Variants in TBC1D31 observed in about 807,000 individuals in gnomAD.
The protein encoded by TBC1D31 is WD repeat domain 67.
In TBC1D31, 99 loss-of-function variants were observed where a neutral mutation model predicts 132.9. The observed-to-expected ratio is 0.74, with a 90% CI of 0.63 to 0.88. TBC1D31 has a LOEUF of 0.88. Ranked by LOEUF, TBC1D31 falls within the 40% of genes least tolerant of loss-of-function variation. The pLI, the probability that TBC1D31 is intolerant of heterozygous loss-of-function variation, is 0.00. For missense variants in TBC1D31, 1,134 were observed against 1,256.6 expected (o/e 0.90, Z 1.48); for synonymous variants, 385 against 419.4 (o/e 0.92, Z 1.00).
At chr8:123,144,243 T>C (rs1473412337) in intron 19 of TBC1D31, among the ~76,000 whole-genome samples, 1 of 152,204 alleles carries the variant, frequency 6.6e-6, no homozygotes, top group East Asian at 1.9e-4. Context: ...TCTCATTTTA[T>C]GGAGAAGAAA....
chr8:123,115,693 T>A (rs1388499136), intron 10 of TBC1D31, among the ~76,000 whole-genome samples: 1 of 152,108 alleles, frequency 6.6e-6, no homozygotes, highest in Non-Finnish European at 1.5e-5. Context: ...TTCTGCAGGT[T>A]TCCCATATTT....
Position 123,151,846 on chromosome 8 carries a change from A to C in TBC1D31, c.3108A>C (p.Gly1036=). Residue 1036 remains glycine, a synonymous_variant, in exon 22 of 22, where the codon GGA becomes GGC. Coordinates refer to ENST00000287380, the MANE Select transcript of TBC1D31 (RefSeq NM_145647.4). Reference sequence around the variant, plus strand: ...GAGCAGTAGAATGGGACACCACGGGACAGAATCTTATTAAGAAAGTGAGAA... The same window carrying C: ...GAGCAGTAGAATGGGACACCACGGGCCAGAATCTTATTAAGAAAGTGAGAA... ...NRRAVEWDTT[G]QNLIKKVRNL... is the part of the protein sequence containing the mutation. 6.3e-7 allele frequency: 1 copy of C among 1,589,832 alleles called. No individual in the cohort carries two copies. Among genetic ancestry groups the C allele is most frequent in the South Asian group, 1.2e-5 (1 of 85,020 alleles).
Position 123,072,736 on chromosome 8 carries a change from A to T in TBC1D31, c.-34A>T, listed in dbSNP as rs1814025612. On this transcript the variant is annotated 5_prime_UTR_variant, in exon 1 of 22. Transcript: ENST00000287380. The stretch of plus-strand genomic sequence containing the variant: ...CGGGAAGGCGCTGGGACGGTTACCC[A>T]GCGGGCCGCCGGCGGTCGTGGGCAA... 1 of 1,549,748 alleles carries T rather than the reference A, an allele frequency of 6.5e-7. No individual in the cohort carries two copies. Among genetic ancestry groups the T allele is most frequent in the East Asian group, 2.4e-5 (1 of 40,936 alleles).
chr8:123,074,175 G>A (rs1814237501), intron 1 of TBC1D31, among the ~76,000 whole-genome samples: 1 of 152,084 alleles, frequency 6.6e-6, no homozygotes, highest in African/African-American at 2.4e-5. Flanking sequence ...GGGATTACAG[G>A]CGCACCACTC....
intron 2 of TBC1D31, among the ~76,000 whole-genome samples, chr8:123,080,413 G>A (rs754465469): frequency 3.3e-5 from 5 of 151,830 alleles, no homozygotes; most frequent in African/African-American, 4.8e-5. Flanking sequence ...CAACTCCTGT[G>A]ATCAACCGTT....
chr8:123,141,113 A>G (rs1821619559), intron 18 of TBC1D31, among the ~76,000 whole-genome samples: 1 of 150,660 alleles, frequency 6.6e-6, no homozygotes, highest in Non-Finnish European at 1.5e-5. Context: ...TCTTTTTCCT[A>G]CAGTTTGAGG....
chr8:123,139,708 G>A (rs1343714352), intron 17 of TBC1D31, among the ~76,000 whole-genome samples: 3 of 150,314 alleles, frequency 2.0e-5, no homozygotes, highest in Non-Finnish European at 4.4e-5. Context: ...ACATGCACAT[G>A]ACCTTCCAGG....
chr8:123,160,867 C>A, the TBC1D31 span, among the ~76,000 whole-genome samples: 1 of 152,182 alleles, frequency 6.6e-6, no homozygotes. Context: ...ACCTTCTGAG[C>A]CTTCGAGTGG....
At chr8:123,108,107 T>G (rs527980876) in intron 8 of TBC1D31, among the ~76,000 whole-genome samples, 17 of 152,248 alleles carry the variant, frequency 1.1e-4, no homozygotes, top group African/African-American at 4.1e-4. Flanking sequence ...ACCCTTCTCT[T>G]ACATTGGACT....
chr8:123,073,233 G>T (rs369521342), intron 1 of TBC1D31: 9 of 469,944 alleles, frequency 1.9e-5, no homozygotes, highest in East Asian at 1.3e-4. Flanking sequence ...GAGGAGATGC[G>T]GGGTGGAAGA....
At chr8:123,152,699 T>C (rs1279108962), downstream of TBC1D31, among the ~76,000 whole-genome samples, 1 of 152,102 alleles carries the variant, frequency 6.6e-6, no homozygotes, top group African/African-American at 2.4e-5. Flanking sequence ...GGTGAAACCC[T>C]TTCTCTACTA....
At chr8:123,158,262 C>T in the TBC1D31 span, among the ~76,000 whole-genome samples, 1 of 146,498 alleles carries the variant, frequency 6.8e-6, no homozygotes, top group African/African-American at 2.7e-5. Context: ...ACATACATAA[C>T]TATTATAATA....
At chr8:123,154,523 A>G (rs1337768550), downstream of TBC1D31, among the ~76,000 whole-genome samples, 1 of 152,208 alleles carries the variant, frequency 6.6e-6, no homozygotes, top group East Asian at 1.9e-4. Flanking sequence ...CAGAAAATCC[A>G]AGGCTGGTAA....
intron 4 of TBC1D31, among the ~76,000 whole-genome samples, chr8:123,084,866 T>C (rs559354854): frequency 6.6e-6 from 1 of 152,034 alleles, no homozygotes; most frequent in Admixed American, 6.5e-5. Context: ...CTCAACTTAC[T>C]GTAACCTCTG....
the TBC1D31 span, among the ~76,000 whole-genome samples, chr8:123,159,918 G>C: frequency 6.6e-6 from 1 of 152,152 alleles, no homozygotes; most frequent in Non-Finnish European, 1.5e-5. Flanking sequence ...CAGTTTTAGC[G>C]TCACAGAAAA....
chr8:123,081,690 G>A (rs977136299), intron 2 of TBC1D31, among the ~76,000 whole-genome samples: 8 of 152,130 alleles, frequency 5.3e-5, no homozygotes, highest in Admixed American at 5.2e-4. Flanking sequence ...ATGTAGCTGG[G>A]GAGGCCTCAC....
chr8:123,105,227 T>A, intron 7 of TBC1D31, 61 bp from the exon 8 acceptor site: 1 of 1,255,884 alleles, frequency 8.0e-7, no homozygotes, highest in South Asian at 2.7e-5. Flanking sequence ...AATCATACAT[T>A]AACAGGCCTG....
At chr8:123,155,721 T>C (rs1430863675), downstream of TBC1D31, among the ~76,000 whole-genome samples, 1 of 152,200 alleles carries the variant, frequency 6.6e-6, no homozygotes, top group Non-Finnish European at 1.5e-5. This position sits in a 1 kb window ranked among gnomAD's most constrained non-coding sequence, Gnocchi z 4.1. Flanking sequence ...GTGCCACATA[T>C]ACATGCTTAC....
chr8:123,086,718 CT>C (rs112065086), intron 4 of TBC1D31, among the ~76,000 whole-genome samples: 268 of 142,312 alleles, frequency 1.9e-3, no homozygotes, highest in Admixed American at 2.2e-3. Flanking sequence ...CCTCCCTGTT[CT>C]TTTTTTTTTT....
Sources: allele counts gnomAD v4.1 joint callset (sites outside exome capture counted in the v4.1 genomes callset), GRCh38; gene constraint gnomAD v4.1.1; non-coding constraint Gnocchi (gnomAD v3.1); transcripts MANE v1.5; gene names NCBI Gene and HGNC (gene_info 2026-07-23, HGNC 2026-07-21).